CITED4: variants seen among roughly 807,000 people sequenced by gnomAD.
CITED4 encodes cbp/p300-interacting transactivator 4.
A neutral mutation model predicts 3.3 loss-of-function variants in CITED4; 3 were observed. That is an observed-to-expected ratio of 0.92 (90% CI 0.42 to 2.38). The LOEUF is 2.38. Ranked by LOEUF, CITED4 falls within the 30% of genes most tolerant of loss-of-function variation. The pLI is 0.05. For missense variants in CITED4, 333 were observed against 274.2 expected (o/e 1.21, Z -1.51); for synonymous variants, 167 against 145.8 (o/e 1.15, Z -1.05).
At position 40,861,352 on chromosome 1, in the gene CITED4, G is replaced by C. The variant is rs1051169012; in HGVS notation, c.*221C>G. On this transcript the variant is annotated 3_prime_UTR_variant, in exon 1 of 1. Coordinates refer to ENST00000372638, the MANE Select transcript of CITED4 (RefSeq NM_133467.3). ...GCTGGTCCGGTCTCTTTCACTTTAC[G>C]GCCGAGGCTGGGGTCAGAGAAGTGA... is the stretch of plus-strand genomic sequence containing the variant. The C allele has an allele frequency of 3.2e-6, 1 of 315,990 alleles. No individual in the cohort carries two copies. The highest frequency in any genetic ancestry group is 5.8e-6 in the Non-Finnish European group (1 of 172,984). 19.6% of individuals were successfully genotyped at this position (315,990 alleles called of 1,614,324 possible).
In CITED4 at chr1:40,861,999, C is replaced by T; in HGVS notation, c.129G>A (p.Gly43=). The T allele has an allele frequency of 7.9e-7, 1 of 1,267,864 alleles. No homozygotes were observed. Among genetic ancestry groups the T allele is most frequent in the Non-Finnish European group, 9.9e-7 (1 of 1,006,396 alleles). 78.5% of individuals were successfully genotyped at this position (1,267,864 alleles called of 1,614,324 possible). ...CCAGCGGAGCCCCCCGCGGCCTCAG[C>T]CCACTGTCCAGGCCCGGGCCCGCGT... ...PPYAGPGLDS[G]LRPRGAPLGP... The change falls in exon 1 of 1, where the codon GGG becomes GGA. Residue 43 remains glycine (G), a synonymous_variant. Coordinates refer to ENST00000372638, the MANE Select transcript of CITED4 (RefSeq NM_133467.3).
Position 40,861,666 on chromosome 1 carries a change from C to A in CITED4, c.462G>T (p.Val154=). ...SLELELGLHR[V]RELPELFLGQ... ...CCAGGAAGAGCTCGGGCAGCTCGCG[C>A]ACGCGGTGCAGCCCGAGCTCCAGCT... Residue 154 remains valine, a synonymous_variant, in exon 1 of 1, where the codon GTG becomes GTT. Coordinates refer to ENST00000372638, the MANE Select transcript of CITED4 (RefSeq NM_133467.3). 1 of 1,503,230 alleles carries A rather than the reference C, an allele frequency of 6.7e-7. No homozygotes were observed. Among genetic ancestry groups the A allele is most frequent in the Non-Finnish European group, 8.8e-7 (1 of 1,131,170 alleles). The allele number at this position is 1,503,230 out of a possible 1,614,324, so 93.1% of individuals were successfully genotyped here.
At position 40,861,546 on chromosome 1, in the gene CITED4, G is replaced by A; in HGVS notation, c.*27C>T. On this transcript the variant is annotated 3_prime_UTR_variant, in exon 1 of 1. Transcript: ENST00000372638. ...GGCAGTCGGGCCCTTTCTCCTCTCC[G>A]GCACGCCGGGCGGGCGCCGGCCGCC... 1.5e-6 allele frequency: 2 copies of A among 1,358,958 alleles called. No homozygotes were observed. Among genetic ancestry groups the A allele is most frequent in the African/African-American group, 3.1e-5 (2 of 64,314 alleles). The allele number at this position is 1,358,958 out of a possible 1,614,324, so 84.2% of individuals were successfully genotyped here. A position where few individuals can be genotyped will look rare whatever the true frequency, so the allele number is the denominator to read the frequency against.
Position 40,862,044 on chromosome 1 carries a change from C to A in CITED4, c.84G>T (p.Ala28=). 1.5e-6 allele frequency: 2 copies of A among 1,320,424 alleles called. No homozygotes were observed. Among genetic ancestry groups the A allele is most frequent in the Admixed American group, 3.6e-5 (1 of 27,820 alleles). 81.8% of individuals were successfully genotyped at this position (1,320,424 alleles called of 1,614,324 possible). ...CCGCGTACGGCGGCAGAGTCCGGAG[C>A]GCATGAGGGCCATGGGCGGCCGCGG... ...PSAAAAHGPH[A]LRTLPPYAGP... Residue 28 remains alanine, a synonymous_variant, in exon 1 of 1, where the codon GCG becomes GCT. Coordinates refer to ENST00000372638, the MANE Select transcript of CITED4 (RefSeq NM_133467.3).
chr1:40,861,737 C>T lies in CITED4; in HGVS notation c.391G>A (p.Gly131Ser), dbSNP rs1223047045. ...APPPPAHALG[G>S]MDAELIDEEA... ...TCGTCGATGAGTTCGGCGTCCATGC[C>T]GCCCAGGGCGTGCGCGGGCGGCGGC... Residue 131 changes from glycine to serine, a missense_variant, in exon 1 of 1, where the codon GGC becomes AGC. Coordinates refer to ENST00000372638, the MANE Select transcript of CITED4 (RefSeq NM_133467.3). The T allele has an allele frequency of 1.5e-6, 2 of 1,326,164 alleles. No individual in the cohort carries two copies. Among genetic ancestry groups the T allele is most frequent in the East Asian group, 3.3e-5 (1 of 30,328 alleles). 82.1% of individuals were successfully genotyped at this position (1,326,164 alleles called of 1,614,324 possible).
Position 40,861,897 on chromosome 1 carries a change from C to A in CITED4, c.231G>T (p.Pro77=). The A allele has an allele frequency of 8.0e-7, 1 of 1,247,324 alleles. No individual in the cohort carries two copies. Among genetic ancestry groups the A allele is most frequent in the Non-Finnish European group, 1.0e-6 (1 of 990,016 alleles). 77.3% of individuals were successfully genotyped at this position (1,247,324 alleles called of 1,614,324 possible). The stretch of plus-strand genomic sequence containing the variant: ...TGCCCGCGGCCGGCGGAGGCACGGC[C>A]GGAAAGGGCTGGAAGGAGGACGGCG... ...FGPPSSFQPF[P]AVPPPAAGIA... is the part of the protein sequence containing the mutation. The change falls in exon 1 of 1, where the codon CCG becomes CCT. Residue 77 remains proline (P), a synonymous_variant. Transcript: ENST00000372638.
rs1278871822 is a variant in CITED4 at position 40,861,827 on chromosome 1, C to G, written c.301G>C (p.Ala101Pro). 2 of 1,099,288 alleles carry G rather than the reference C, an allele frequency of 1.8e-6. No individual in the cohort carries two copies. The highest frequency in any genetic ancestry group is 5.5e-5 in the East Asian group (1 of 18,130). The allele number at this position is 1,099,288 out of a possible 1,614,324, so 68.1% of individuals were successfully genotyped here. The change falls in exon 1 of 1, where the codon GCC (alanine) becomes CCC (proline). Residue 101 changes from alanine (A) to proline (P), a missense_variant. Transcript: ENST00000372638. ...CCTCCCGGAGCGTTGGGGGGCGCGG[C>G]CGCGCGGCCGGGGTACGGCGTCGCC... is the stretch of plus-strand genomic sequence containing the variant. Reference protein sequence around the residue: ...PVATPYPGRAAAPPNAPGGPP... With the variant: ...PVATPYPGRAPAPPNAPGGPP...
In CITED4 at chr1:40,862,146, T is replaced by C; in HGVS notation, c.-19A>G. ...CGGCCATGGCGGCAGGCCGGCTGCC[T>C]GCGGGGACAGCGCGCGGTGGTCAGC... is the stretch of plus-strand genomic sequence containing the variant. On this transcript the variant is annotated 5_prime_UTR_variant, in exon 1 of 1. Coordinates refer to ENST00000372638, the MANE Select transcript of CITED4 (RefSeq NM_133467.3). 8.0e-7 allele frequency: 1 copy of C among 1,248,052 alleles called. No individual in the cohort carries two copies. The highest frequency in any genetic ancestry group is 2.7e-5 in the South Asian group (1 of 36,492). 77.3% of individuals were successfully genotyped at this position (1,248,052 alleles called of 1,614,324 possible). A position where few individuals can be genotyped will look rare whatever the true frequency, so the allele number is the denominator to read the frequency against.
In CITED4 at chr1:40,862,065, C is replaced by CGCGGCGG; in HGVS notation, c.56_62dup (p.Ala22ArgfsTer243). On this transcript the variant is annotated frameshift_variant, in exon 1 of 1. Coordinates refer to ENST00000372638, the MANE Select transcript of CITED4 (RefSeq NM_133467.3). LOFTEE classifies it low-confidence loss of function (END_TRUNC). The stretch of plus-strand genomic sequence containing the variant: ...GGAGCGCATGAGGGCCATGGGCGGC[C>CGCGGCGG]GCGGCGGACGGCGGCCTCTGCACCA... 1 of 1,323,314 alleles carries CGCGGCGG rather than the reference C, an allele frequency of 7.6e-7. No individual in the cohort carries two copies. Among genetic ancestry groups the CGCGGCGG allele is most frequent in the Non-Finnish European group, 9.7e-7 (1 of 1,035,478 alleles). 82.0% of individuals were successfully genotyped at this position (1,323,314 alleles called of 1,614,324 possible).
At position 40,862,265 on chromosome 1, in the gene CITED4, A is replaced by C; in HGVS notation, c.-138T>G. ...AGCTCGGCCGGGCGGAGCAAAACCA[A>C]ACCCGACTGGTGCCCCGGCCCAGCC... is the stretch of plus-strand genomic sequence containing the variant. On this transcript the variant is annotated 5_prime_UTR_variant, in exon 1 of 1. Transcript: ENST00000372638. 5 of 426,436 alleles carry C rather than the reference A, an allele frequency of 1.2e-5. No homozygotes were observed. The highest frequency in any genetic ancestry group is 1.9e-5 in the Non-Finnish European group (5 of 265,884). The allele number at this position is 426,436 out of a possible 1,614,324, so 26.4% of individuals were successfully genotyped here. A position where few individuals can be genotyped will look rare whatever the true frequency, so the allele number is the denominator to read the frequency against.
rs1649381044 is a variant in CITED4 at position 40,861,698 on chromosome 1, A to T, written c.430T>A (p.Ser144Thr). The T allele has an allele frequency of 6.8e-7, 1 of 1,481,086 alleles. No homozygotes were observed. The highest frequency in any genetic ancestry group is 1.5e-5 in the African/African-American group (1 of 68,598). 91.7% of individuals were successfully genotyped at this position (1,481,086 alleles called of 1,614,324 possible). Reference sequence around the variant, plus strand: ...TGCAGCCCGAGCTCCAGCTCCAGCGACGTCAGCGCCTCCTCGTCGATGAGT... The same window carrying T: ...TGCAGCCCGAGCTCCAGCTCCAGCGTCGTCAGCGCCTCCTCGTCGATGAGT... ...AELIDEEALTSLELELGLHRV... is the reference protein window; with the variant it reads ...AELIDEEALTTLELELGLHRV... Residue 144 changes from serine to threonine, a missense_variant, in exon 1 of 1, where the codon TCG (serine) becomes ACG (threonine). Transcript: ENST00000372638.
rs1330399592 is a variant in CITED4, at chr1:40,861,559, G to A, written c.*14C>T. ...TTTCTCCTCTCCGGCACGCCGGGCG[G>A]GCGCCGGCCGCCCTCAGCAGCTCAC... On this transcript the variant is annotated 3_prime_UTR_variant, in exon 1 of 1. Coordinates refer to ENST00000372638, the MANE Select transcript of CITED4 (RefSeq NM_133467.3). 1.4e-6 allele frequency: 2 copies of A among 1,382,966 alleles called. No homozygotes were observed. Among genetic ancestry groups the A allele is most frequent in the East Asian group, 3.2e-5 (1 of 31,100 alleles). The allele number at this position is 1,382,966 out of a possible 1,614,324, so 85.7% of individuals were successfully genotyped here.
Position 40,861,377 on chromosome 1 carries a change from A to T in CITED4, c.*196T>A, listed in dbSNP as rs72949149. On this transcript the variant is annotated 3_prime_UTR_variant, in exon 1 of 1. Coordinates refer to ENST00000372638, the MANE Select transcript of CITED4 (RefSeq NM_133467.3). ...GGCCGAGGCTGGGGTCAGAGAAGTG[A>T]AGCCAAACTGTCCTCCCGCAGGAGG... is the stretch of plus-strand genomic sequence containing the variant. 7.2e-3 allele frequency: 2,452 copies of T among 341,614 alleles called. 57 individuals are homozygous for T. Among genetic ancestry groups the T allele is most frequent in the African/African-American group, 0.048 (2,237 of 46,654 alleles). The allele number at this position is 341,614 out of a possible 1,614,324, so 21.2% of individuals were successfully genotyped here.
At position 40,861,626 on chromosome 1, in the gene CITED4, C is replaced by A; in HGVS notation, c.502G>T (p.Asp168Tyr). 6.7e-7 allele frequency: 1 copy of A among 1,493,724 alleles called. No homozygotes were observed. Among genetic ancestry groups the A allele is most frequent in the South Asian group, 1.2e-5 (1 of 80,884 alleles). 92.5% of individuals were successfully genotyped at this position (1,493,724 alleles called of 1,614,324 possible). Residue 168 changes from aspartate (D) to tyrosine (Y), a missense_variant, in exon 1 of 1, where the codon GAC becomes TAC. Transcript: ENST00000372638. ...GCGGACCCCAAGTCCGAGAAGCAGT[C>A]GAACTCGCTCTGGCCCAGGAAGAGC... ...PELFLGQSEF[D>Y]CFSDLGSAPP...
In CITED4 at chr1:40,861,103, G is replaced by T. The variant is rs1335702683; in HGVS notation, c.*470C>A. 1 of 153,042 alleles carries T rather than the reference G, an allele frequency of 6.5e-6. No individual in the cohort carries two copies. The highest frequency in any genetic ancestry group is 1.5e-5 in the Non-Finnish European group (1 of 68,378). 9.5% of individuals were successfully genotyped at this position (153,042 alleles called of 1,614,324 possible). A position where few individuals can be genotyped will look rare whatever the true frequency, so the allele number is the denominator to read the frequency against. On this transcript the variant is annotated 3_prime_UTR_variant, in exon 1 of 1. Coordinates refer to ENST00000372638, the MANE Select transcript of CITED4 (RefSeq NM_133467.3). ...GGTTTTGGAGGCCAGACAGGGCATT[G>T]CTCCACGGGTTCGGGCTGTACAACC... is the stretch of plus-strand genomic sequence containing the variant.
In CITED4 at chr1:40,862,012, C is replaced by T; in HGVS notation, c.116G>A (p.Gly39Asp). ...LRTLPPYAGP[G>D]LDSGLRPRGA... The stretch of plus-strand genomic sequence containing the variant: ...CCGCGGCCTCAGCCCACTGTCCAGG[C>T]CCGGGCCCGCGTACGGCGGCAGAGT... Residue 39 changes from glycine to aspartate, a missense_variant, in exon 1 of 1, where the codon GGC (glycine) becomes GAC (aspartate). Transcript: ENST00000372638. The T allele has an allele frequency of 7.7e-7, 1 of 1,298,358 alleles. No homozygotes were observed. Among genetic ancestry groups the T allele is most frequent in the Non-Finnish European group, 9.8e-7 (1 of 1,022,944 alleles). The allele number at this position is 1,298,358 out of a possible 1,614,324, so 80.4% of individuals were successfully genotyped here. A position where few individuals can be genotyped will look rare whatever the true frequency, so the allele number is the denominator to read the frequency against.
rs758736510 is a variant in CITED4 at position 40,861,786 on chromosome 1, C to T, written c.342G>A (p.Gln114=). 5.8e-5 allele frequency: 66 copies of T among 1,139,670 alleles called. 1 individual carries two copies. In the East Asian group the frequency reaches 2.6e-3, roughly 45 times the overall value. The allele number at this position is 1,139,670 out of a possible 1,614,324, so 70.6% of individuals were successfully genotyped here. A position where few individuals can be genotyped will look rare whatever the true frequency, so the allele number is the denominator to read the frequency against. The change falls in exon 1 of 1, where the codon CAG becomes CAA. Residue 114 remains glutamine (Q), a synonymous_variant. Coordinates refer to ENST00000372638, the MANE Select transcript of CITED4 (RefSeq NM_133467.3). ...PNAPGGPPGP[Q]PAPSAAAPPP... ...GCGGGGCTGCGGCGCTTGGCGCCGG[C>T]TGCGGGCCCGGGGGGCCTCCCGGAG... is the stretch of plus-strand genomic sequence containing the variant.
chr1:40,861,590 C>T lies in CITED4; in HGVS notation c.538G>A (p.Gly180Ser). The T allele has an allele frequency of 6.9e-7, 1 of 1,454,148 alleles. No individual in the cohort carries two copies. The highest frequency in any genetic ancestry group is 9.0e-7 in the Non-Finnish European group (1 of 1,105,524). 90.1% of individuals were successfully genotyped at this position (1,454,148 alleles called of 1,614,324 possible). Reference sequence around the variant, plus strand: ...GGCCGCCCTCAGCAGCTCACGGAGCCGGCGGGCGGCGCGGACCCCAAGTCC... The same window carrying T: ...GGCCGCCCTCAGCAGCTCACGGAGCTGGCGGGCGGCGCGGACCCCAAGTCC... Reference protein sequence around the residue: ...FSDLGSAPPAGSVSC With the variant: ...FSDLGSAPPASSVSC The change falls in exon 1 of 1, where the codon GGC (glycine) becomes AGC (serine). Residue 180 changes from glycine to serine, a missense_variant. By Grantham distance (56) the Gly-to-Ser change is moderately conservative (BLOSUM62 0). Transcript: ENST00000372638.
At position 40,862,344 on chromosome 1, in the gene CITED4, T is replaced by C; in HGVS notation, c.-217A>G. The stretch of plus-strand genomic sequence containing the variant: ...TGGGGTCACAAAGGCCCGCAACCTG[T>C]AGTGCTCCGAAACCTCCGCGTCGCG... On this transcript the variant is annotated 5_prime_UTR_variant, in exon 1 of 1. Transcript: ENST00000372638. 4 of 325,498 alleles carry C rather than the reference T, an allele frequency of 1.2e-5. No individual in the cohort carries two copies. The highest frequency in any genetic ancestry group is 1.7e-5 in the Non-Finnish European group (3 of 178,652). The allele number at this position is 325,498 out of a possible 1,614,324, so 20.2% of individuals were successfully genotyped here.
Sources: gnomAD v4.1 joint callset for allele counts on GRCh38, gnomAD v4.1.1 for gene constraint, MANE v1.5 for transcripts, NCBI Gene and HGNC (gene_info 2026-07-23, HGNC 2026-07-21) for gene names.